The following OXCT1 variants were observed in gnomAD, a reference collection of about 807,000 sequenced individuals.
OXCT1 encodes the protein succinyl-CoA:3-ketoacid coenzyme A transferase 1, mitochondrial.
OXCT1 carries 27 observed loss-of-function variants against 69.6 expected under a neutral mutation model. The observed-to-expected ratio is 0.39, with a 90% CI of 0.29 to 0.54. OXCT1 has a LOEUF of 0.54. OXCT1 is among the 20% of genes least tolerant of loss of function. OXCT1 has a pLI of 0.72. For synonymous variants in OXCT1, 202 were observed against 217.8 expected, an observed-to-expected ratio of 0.93 and a Z score of 0.64; for missense variants, 437 against 650.2, an observed-to-expected ratio of 0.67 and a Z score of 3.57.
chr5:41,733,083 C>A (rs989794320), intron 16 of OXCT1, among the ~76,000 whole-genome samples: 2 of 152,056 alleles, frequency 1.3e-5, no homozygotes, highest in African/African-American at 2.4e-5. Flanking sequence ...GACATACAGA[C>A]AAAATAAACA....
intron 2 of OXCT1, among the ~76,000 whole-genome samples, chr5:41,861,718 C>T (rs569930073): frequency 6.6e-6 from 1 of 152,240 alleles, no homozygotes; most frequent in South Asian, 2.1e-4. Context: ...CTTTGTAAAT[C>T]AGTTTTTCTA....
intron 14 of OXCT1, among the ~76,000 whole-genome samples, chr5:41,761,194 A>G (rs1359065888): frequency 6.6e-6 from 1 of 152,148 alleles, no homozygotes; most frequent in Non-Finnish European, 1.5e-5. Flanking sequence ...GTTCGTCCAA[A>G]GACACTGAGT....
chr5:41,862,446 TA>T (rs1749781094), intron 2 of OXCT1, among the ~76,000 whole-genome samples, 195 bp downstream of exon 2: 1 of 151,904 alleles, frequency 6.6e-6, no homozygotes, highest in South Asian at 2.1e-4. Context: ...ACAGAGAAAG[TA>T]AAATATTAAG....
intron 7 of OXCT1, among the ~76,000 whole-genome samples, chr5:41,819,264 G>C (rs576924115): frequency 2.0e-5 from 3 of 151,190 alleles, no homozygotes; most frequent in East Asian, 3.9e-4. Flanking sequence ...CCCTCAGTTT[G>C]TATCAGTGAC....
chr5:41,739,486 C>A lies in OXCT1; in HGVS notation c.1425G>T (p.Val475=), dbSNP rs1460651030. Residue 475 remains valine, a synonymous_variant, in exon 16 of 17, where the codon GTG becomes GTT. Transcript: ENST00000196371. ...ACCCTTTCTTCTTGTCCACATCAAACACAGCCTGTCAGAGTGGGAAGAAAA... is the reference window on the plus strand; with the variant it reads ...ACCCTTTCTTCTTGTCCACATCAAAAACAGCCTGTCAGAGTGGGAAGAAAA... ...CVNRIITEKA[V]FDVDKKKGLT... 4 of 1,607,004 alleles carry A rather than the reference C, an allele frequency of 2.5e-6. No homozygotes were observed. The South Asian group carries it at 4.4e-5, about 18-fold the overall frequency.
At chr5:41,761,239 T>G (rs940569541) in intron 14 of OXCT1, among the ~76,000 whole-genome samples, 3 of 152,100 alleles carry the variant, frequency 2.0e-5, no homozygotes, top group Admixed American at 6.6e-5. Flanking sequence ...TGATAGTTCC[T>G]TGGTGAGACA....
At chr5:41,803,304 C>T (rs1746510040) in intron 9 of OXCT1, 141 bp from the exon 10 acceptor site, 1 of 613,880 alleles carries the variant, frequency 1.6e-6, no homozygotes, top group Non-Finnish European at 2.9e-6. Flanking sequence ...ATTCTCCAAT[C>T]ACCCATGGCG....
chr5:41,762,644 T>C lies in OXCT1; in HGVS notation c.1249-444A>G, dbSNP rs1744404601. 6.6e-6 allele frequency among the ~76,000 whole-genome samples: 1 copy of C among 152,170 alleles called. No homozygotes were observed. Among genetic ancestry groups the C allele is most frequent in the African/African-American group, 2.4e-5 (1 of 41,458 alleles). ...TTTCCTGCAGATTAAAATTCCATTA[T>C]GTAGTAGTAGGCTGAGGCATGAATG... On this transcript the variant is annotated intron_variant, in intron 13 of 16. Coordinates refer to ENST00000196371, the MANE Select transcript of OXCT1 (RefSeq NM_000436.4). This position sits in a 1 kb window ranked among gnomAD's most constrained non-coding sequence, Gnocchi z 4.0.
At chr5:41,756,211 A>G (rs1744062812) in intron 14 of OXCT1, among the ~76,000 whole-genome samples, 1 of 152,120 alleles carries the variant, frequency 6.6e-6, no homozygotes, top group South Asian at 2.1e-4. Flanking sequence ...CAAAATTAAG[A>G]AACCAAGCTT....
chr5:41,778,885 G>A (rs1350509309), intron 13 of OXCT1, among the ~76,000 whole-genome samples: 8 of 151,982 alleles, frequency 5.3e-5, no homozygotes, highest in East Asian at 3.9e-4. Flanking sequence ...TTGATCCAAC[G>A]CCCTTTGGGA....
chr5:41,856,940 G>A (rs958646019), intron 3 of OXCT1, among the ~76,000 whole-genome samples: 4 of 152,020 alleles, frequency 2.6e-5, no homozygotes, highest in Admixed American at 2.0e-4. Flanking sequence ...CTAGTACCTG[G>A]CTAGGTCCCC....
At chr5:41,866,174 T>C (rs904809994) in intron 1 of OXCT1, among the ~76,000 whole-genome samples, 5 of 152,196 alleles carry the variant, frequency 3.3e-5, no homozygotes, top group Admixed American at 2.6e-4. Context: ...TTCTTCATTC[T>C]CTACCAGGGC....
Position 41,731,636 on chromosome 5 carries a change from G to A in OXCT1, c.*93C>T. Reference sequence around the variant, plus strand: ...CAAGAAAACTAATAAAAAACCACCTGTTAAATACACAATTATGATTATTGA... The same window carrying A: ...CAAGAAAACTAATAAAAAACCACCTATTAAATACACAATTATGATTATTGA... On this transcript the variant is annotated 3_prime_UTR_variant, in exon 17 of 17. Coordinates refer to ENST00000196371, the MANE Select transcript of OXCT1 (RefSeq NM_000436.4). The A allele has an allele frequency of 6.6e-7, 1 of 1,517,066 alleles. No individual in the cohort carries two copies. Among genetic ancestry groups the A allele is most frequent in the African/African-American group, 1.4e-5 (1 of 72,392 alleles). 94.0% of individuals were successfully genotyped at this position (1,517,066 alleles called of 1,614,324 possible). A position where few individuals can be genotyped will look rare whatever the true frequency, so the allele number is the denominator to read the frequency against.
intron 13 of OXCT1, among the ~76,000 whole-genome samples, chr5:41,789,008 A>C (rs1422599657): frequency 6.6e-6 from 1 of 152,244 alleles, no homozygotes; most frequent in East Asian, 1.9e-4. Flanking sequence ...ACACACCTTT[A>C]AATAAACAAT....
intron 7 of OXCT1, among the ~76,000 whole-genome samples, chr5:41,823,880 C>A (rs1421001061): frequency 6.6e-6 from 1 of 152,086 alleles, no homozygotes; most frequent in African/African-American, 2.4e-5. Flanking sequence ...AGGAGATTAT[C>A]CTATTTCATA....
intron 3 of OXCT1, among the ~76,000 whole-genome samples, chr5:41,858,918 C>A (rs1186180059): frequency 1.3e-5 from 2 of 152,096 alleles, no homozygotes; most frequent in Non-Finnish European, 2.9e-5. Flanking sequence ...CATCCCCCAC[C>A]CAATCTGCAG....
chr5:41,853,381 G>GT (rs1561130658), intron 4 of OXCT1, 38 bp downstream of exon 4: 2 of 1,585,614 alleles, frequency 1.3e-6, no homozygotes, highest in African/African-American at 2.7e-5. Context: ...AATTTTTAAA[G>GT]TAAGTTAGTA....
chr5:41,785,882 C>A (rs1335082007), intron 13 of OXCT1, among the ~76,000 whole-genome samples: 1 of 152,190 alleles, frequency 6.6e-6, no homozygotes, highest in East Asian at 1.9e-4. Flanking sequence ...GCTGCTCACT[C>A]CATTGACAAA....
At chr5:41,801,914 G>A (rs1020780299) in intron 10 of OXCT1, among the ~76,000 whole-genome samples, 1 of 151,948 alleles carries the variant, frequency 6.6e-6, no homozygotes, top group Non-Finnish European at 1.5e-5. Flanking sequence ...TATATAAGAT[G>A]GAGCCAAAAA....
Sources: allele counts gnomAD v4.1 joint callset (sites outside exome capture counted in the v4.1 genomes callset), GRCh38; gene constraint gnomAD v4.1.1; non-coding constraint Gnocchi (gnomAD v3.1); transcripts MANE v1.5; gene names NCBI Gene and HGNC (gene_info 2026-07-23, HGNC 2026-07-21).